The following MACROD2 variants were observed in gnomAD, a reference collection of about 807,000 sequenced individuals.
MACROD2 encodes ADP-ribose glycohydrolase MACROD2.
Under a neutral mutation model 70.4 loss-of-function variants are expected in MACROD2, and 36 were observed. The observed-to-expected ratio is 0.51, with a 90% CI of 0.39 to 0.68. The LOEUF is 0.68. Among genes scored for constraint, MACROD2 ranks in the 30% least tolerant of loss-of-function variants. The probability of loss-of-function intolerance (pLI) is 0.00; values close to 1 mark genes in which losing one functional copy is unlikely to be tolerated. For synonymous variants in MACROD2, 172 were observed against 178.8 expected (o/e 0.96, Z 0.30); for missense variants, 496 against 538.4 (o/e 0.92, Z 0.78).
intron 8 of MACROD2, among the ~76,000 whole-genome samples, chr20:15,808,890 T>C (rs2063793402): frequency 6.6e-6 from 1 of 152,130 alleles, no homozygotes; most frequent in Non-Finnish European, 1.5e-5. Flanking sequence ...TGACTAGCCA[T>C]TTCCCATTTA....
chr20:15,837,672 CATATTATTA>C (rs2064129221), intron 8 of MACROD2, among the ~76,000 whole-genome samples: 1 of 152,124 alleles, frequency 6.6e-6, no homozygotes, highest in Non-Finnish European at 1.5e-5. Flanking sequence ...TGATTTGCCC[CATATTATTA>C]ACAAAACAAT....
At chr20:14,338,540 C>T (rs6042678) in intron 3 of MACROD2, among the ~76,000 whole-genome samples, 8,531 of 152,058 alleles carry the variant, frequency 0.056, 415 homozygotes, top group African/African-American at 0.14. Context: ...ACTTCTGCTA[C>T]GTGTTTATAT....
At chr20:14,738,821 C>T (rs6042890) in intron 5 of MACROD2, among the ~76,000 whole-genome samples, 9 of 151,600 alleles carry the variant, frequency 5.9e-5, no homozygotes, top group Middle Eastern at 3.5e-3. Flanking sequence ...CACAAGTATC[C>T]TTAATATAGA....
At chr20:14,440,815 G>A (rs1055239574) in intron 3 of MACROD2, among the ~76,000 whole-genome samples, 1 of 152,158 alleles carries the variant, frequency 6.6e-6, no homozygotes, top group Non-Finnish European at 1.5e-5. Flanking sequence ...CGGGGCATGA[G>A]TAGAGGACCA....
chr20:14,048,475 A>G (rs529095038), intron 2 of MACROD2, among the ~76,000 whole-genome samples: 117 of 152,262 alleles, frequency 7.7e-4, no homozygotes, highest in Non-Finnish European at 1.2e-3. Flanking sequence ...GACCAGAAGG[A>G]TCAATTTCTA....
intron 3 of MACROD2, among the ~76,000 whole-genome samples, chr20:14,163,599 C>G (rs867896611): frequency 2.0e-5 from 3 of 151,808 alleles, no homozygotes. Flanking sequence ...AATATTTGGT[C>G]ACTTTATGGT....
chr20:15,388,228 G>T (rs61637571), intron 6 of MACROD2, among the ~76,000 whole-genome samples: 2,895 of 152,120 alleles, frequency 0.019, 89 homozygotes, highest in African/African-American at 0.066. Flanking sequence ...AACAGTGTGT[G>T]CAAATGGGGC....
chr20:15,969,852 G>A (rs973019788), intron 13 of MACROD2, among the ~76,000 whole-genome samples: 2 of 151,446 alleles, frequency 1.3e-5, no homozygotes, highest in Admixed American at 1.3e-4. Context: ...TGAACTCTAA[G>A]CAGAATAAAT....
At chr20:14,481,198 A>C (rs1304634128) in intron 3 of MACROD2, among the ~76,000 whole-genome samples, 1 of 152,114 alleles carries the variant, frequency 6.6e-6, no homozygotes. Context: ...TGTAGTATTT[A>C]TTATTGTTTT....
chr20:14,288,515 CT>C lies in MACROD2; in HGVS notation c.271+202789del, dbSNP rs549007954. Among the ~76,000 whole-genome samples, 33 of 152,324 alleles carry C rather than the reference CT, an allele frequency of 2.2e-4. No individual in the cohort carries two copies. The South Asian group carries it at 5.4e-3, about 25-fold the overall frequency. On this transcript the variant is annotated intron_variant, in intron 3 of 17. Coordinates refer to ENST00000684519, the MANE Select transcript of MACROD2 (RefSeq NM_001351661.2). ...GCTGGCCAGCCCCAGAACAGGGTGT[CT>C]TATCCTGGTCCTGCCCAAGTGTGAT...
At chr20:15,082,661 C>T (rs1164732171) in intron 5 of MACROD2, among the ~76,000 whole-genome samples, 1 of 148,590 alleles carries the variant, frequency 6.7e-6, no homozygotes, top group African/African-American at 2.5e-5. Flanking sequence ...AATTAGACTT[C>T]AATAGTCTTG....
chr20:15,460,653 T>A (rs1158137945), intron 7 of MACROD2, among the ~76,000 whole-genome samples: 1 of 152,190 alleles, frequency 6.6e-6, no homozygotes, highest in Non-Finnish European at 1.5e-5. Flanking sequence ...TTATGCCTTT[T>A]CAGCCCTTCA....
chr20:14,333,187 A>G (rs1000422432), intron 3 of MACROD2, among the ~76,000 whole-genome samples: 8 of 152,190 alleles, frequency 5.3e-5, no homozygotes, highest in Non-Finnish European at 7.4e-5. Context: ...TATCCAGACT[A>G]TTTTCTAGCC....
chr20:14,230,633 A>G (rs1325445238), intron 3 of MACROD2, among the ~76,000 whole-genome samples: 55 of 2,448 alleles, frequency 0.022, no homozygotes, highest in East Asian at 0.12. Context: ...ATTCATGTTT[A>G]TATATATATA....
At chr20:15,365,461 T>C (rs2045395525) in intron 6 of MACROD2, among the ~76,000 whole-genome samples, 1 of 151,928 alleles carries the variant, frequency 6.6e-6, no homozygotes, top group African/African-American at 2.4e-5. Flanking sequence ...GTCTGGAGAT[T>C]GAGATCATCC....
At chr20:14,776,213 A>G (rs1382933771) in intron 5 of MACROD2, among the ~76,000 whole-genome samples, 1 of 152,028 alleles carries the variant, frequency 6.6e-6, no homozygotes, top group East Asian at 1.9e-4. Flanking sequence ...TTCTGGAGCC[A>G]AAGAGTGGGT....
At chr20:14,778,449 C>G (rs1272420355) in intron 5 of MACROD2, among the ~76,000 whole-genome samples, 1 of 152,022 alleles carries the variant, frequency 6.6e-6, no homozygotes, top group African/African-American at 2.4e-5. Context: ...ATTTTCTAAC[C>G]TTTTCCCCTC....
intron 3 of MACROD2, among the ~76,000 whole-genome samples, chr20:14,418,908 G>C (rs1482393462): frequency 6.6e-6 from 1 of 151,870 alleles, no homozygotes; most frequent in Non-Finnish European, 1.5e-5. Flanking sequence ...TTGTCTCCAT[G>C]TTTCCAAAAG....
chr20:15,461,006 A>ATATATATATATTTTTTTT, intron 7 of MACROD2, among the ~76,000 whole-genome samples: 861 of 66,666 alleles, frequency 0.013, 20 homozygotes, highest in Middle Eastern at 0.035. Context: ...ATATATATAT[A>ATATATATATATTTTTTTT]TTTTTTTTTA....
Sources: gnomAD v4.1 joint callset for allele counts (sites outside exome capture counted in the v4.1 genomes callset) on GRCh38, gnomAD v4.1.1 for gene constraint, MANE v1.5 for transcripts, NCBI Gene and HGNC (gene_info 2026-07-23, HGNC 2026-07-21) for gene names.